ASRGL1: variants seen among roughly 807,000 people sequenced by gnomAD.
ASRGL1 encodes the protein asparaginase and isoaspartyl peptidase 1, also known as isoaspartyl peptidase/L-asparaginase.
ASRGL1 carries 16 observed loss-of-function variants against 22.4 expected under a neutral mutation model. That is an observed-to-expected ratio of 0.71 (90% confidence interval 0.48 to 1.08). ASRGL1 has a LOEUF of 1.08. Among genes scored for constraint, ASRGL1 ranks in the 50% least tolerant of loss-of-function variants. ASRGL1 has a pLI of 0.00. For synonymous variants in ASRGL1, 165 were observed against 159.3 expected (o/e 1.04, Z -0.27); for missense variants, 412 against 410.1 (o/e 1.00, Z -0.04).
Position 62,357,073 on chromosome 11 carries a change from G to A in ASRGL1, c.420G>A (p.Val140=). The stretch of plus-strand genomic sequence containing the variant: ...CAGAGATTCCTGGAGAAAAACTGGT[G>A]ACAGAGAGAAACAAAAAGCGCCTGG... ...GVPEIPGEKL[V]TERNKKRLEK... is the part of the protein sequence containing the mutation. Residue 140 remains valine (V), a synonymous_variant, in exon 4 of 7, where the codon GTG becomes GTA. Transcript: ENST00000415229. 1 of 1,614,112 alleles carries A rather than the reference G, an allele frequency of 6.2e-7. No homozygotes were observed. Among genetic ancestry groups the A allele is most frequent in the Non-Finnish European group, 8.5e-7 (1 of 1,180,030 alleles).
At chr11:62,390,595 C>T (rs1354062788) in intron 5 of ASRGL1, among the ~76,000 whole-genome samples, 1 of 152,194 alleles carries the variant, frequency 6.6e-6, no homozygotes, top group Non-Finnish European at 1.5e-5. Flanking sequence ...ACCATGGAAC[C>T]CGGTCAGTTA....
the ASRGL1 span, among the ~76,000 whole-genome samples, chr11:62,400,584 G>A: frequency 6.6e-6 from 1 of 152,226 alleles, no homozygotes. Flanking sequence ...ACACAGAGGA[G>A]AACCCCAGCT....
At chr11:62,399,532 A>G in the ASRGL1 span, among the ~76,000 whole-genome samples, 1 of 152,186 alleles carries the variant, frequency 6.6e-6, no homozygotes, top group Non-Finnish European at 1.5e-5. Context: ...AAAGGGTACC[A>G]ACACTGCTCC....
chr11:62,352,376 A>G (rs935578245), intron 2 of ASRGL1, among the ~76,000 whole-genome samples: 1 of 152,190 alleles, frequency 6.6e-6, no homozygotes, highest in African/African-American at 2.4e-5. Flanking sequence ...ACTTGAGGTC[A>G]GGAGTTTGAG....
At chr11:62,363,978 G>A (rs1382891073) in intron 4 of ASRGL1, among the ~76,000 whole-genome samples, 4 of 151,914 alleles carry the variant, frequency 2.6e-5, no homozygotes, top group African/African-American at 4.8e-5. Context: ...GCAACATGGT[G>A]AAACCACGTC....
intron 4 of ASRGL1, among the ~76,000 whole-genome samples, chr11:62,363,087 C>G (rs1310692702): frequency 6.7e-6 from 1 of 150,302 alleles, no homozygotes; most frequent in Non-Finnish European, 1.5e-5. Context: ...GCGCCCGCCA[C>G]CACGCCCGGC....
In ASRGL1 at chr11:62,392,611, G is replaced by A; in HGVS notation, c.*327G>A. On this transcript the variant is annotated 3_prime_UTR_variant, in exon 7 of 7. Coordinates refer to ENST00000415229, the MANE Select transcript of ASRGL1 (RefSeq NM_001083926.2). The stretch of plus-strand genomic sequence containing the variant: ...GAAAAGGGAAAAAAGAAAGAAAGCA[G>A]CAGCATGATCCTGACATGACAGATG... 2.8e-6 allele frequency: 1 copy of A among 360,050 alleles called. No individual in the cohort carries two copies. Among genetic ancestry groups the A allele is most frequent in the South Asian group, 2.6e-5 (1 of 38,254 alleles). The allele number at this position is 360,050 out of a possible 1,614,324, so 22.3% of individuals were successfully genotyped here. A position where few individuals can be genotyped will look rare whatever the true frequency, so the allele number is the denominator to read the frequency against.
chr11:62,385,470 C>CTCTT (rs766833250), intron 4 of ASRGL1, among the ~76,000 whole-genome samples: 2 of 152,176 alleles, frequency 1.3e-5, no homozygotes, highest in African/African-American at 4.8e-5. Flanking sequence ...CTGTACCTGG[C>CTCTT]TCTTATGAGC....
At chr11:62,365,430 T>C (rs1469915552) in intron 4 of ASRGL1, among the ~76,000 whole-genome samples, 1 of 151,786 alleles carries the variant, frequency 6.6e-6, no homozygotes, top group Non-Finnish European at 1.5e-5. Flanking sequence ...GGTGGGCGCC[T>C]GTAATCCCAG....
intron 2 of ASRGL1, among the ~76,000 whole-genome samples, chr11:62,353,229 A>G (rs1371836178): frequency 6.6e-6 from 1 of 151,136 alleles, no homozygotes; most frequent in Non-Finnish European, 1.5e-5. Context: ...TATTTTGATT[A>G]TTATATTTTT....
intron 2 of ASRGL1, among the ~76,000 whole-genome samples, chr11:62,352,913 GTGTT>G (rs1430815535): frequency 1.3e-5 from 2 of 152,100 alleles, no homozygotes; most frequent in Non-Finnish European, 2.9e-5. Context: ...GAATGTCTTT[GTGTT>G]TAGTCCTATT....
chr11:62,372,556 A>G, intron 4 of ASRGL1: 2 of 913,408 alleles, frequency 2.2e-6, no homozygotes, highest in Non-Finnish European at 3.7e-6. Flanking sequence ...GGCCATCTTC[A>G]TTGAGAAGAC....
At chr11:62,394,339 A>G (rs902981703), downstream of ASRGL1, among the ~76,000 whole-genome samples, 4 of 143,630 alleles carry the variant, frequency 2.8e-5, no homozygotes, top group Non-Finnish European at 4.5e-5. Context: ...ATAATTTATA[A>G]TATATATTAT....
chr11:62,379,729 G>A (rs1354530577), intron 4 of ASRGL1, among the ~76,000 whole-genome samples: 1 of 152,128 alleles, frequency 6.6e-6, no homozygotes, highest in Non-Finnish European at 1.5e-5. Context: ...TGTGGCAGGG[G>A]ACAATTGTTG....
intron 4 of ASRGL1, among the ~76,000 whole-genome samples, chr11:62,385,753 A>G (rs1434530173): frequency 6.6e-6 from 1 of 152,038 alleles, no homozygotes; most frequent in African/African-American, 2.4e-5. Flanking sequence ...AATCCCAGCT[A>G]CTTGGGAGTC....
intron 5 of ASRGL1, among the ~76,000 whole-genome samples, chr11:62,390,882 G>C (rs949298512): frequency 6.6e-6 from 1 of 152,228 alleles, no homozygotes; most frequent in Non-Finnish European, 1.5e-5. Context: ...AGGACTCTGA[G>C]GCTGGTAGCT....
rs140333838 is a variant in ASRGL1 at position 62,371,290 on chromosome 11, G to A, written c.491+14146G>A. 3.8e-4 allele frequency: 530 copies of A among 1,380,558 alleles called. 5 individuals are homozygous for A. The African/African-American group carries it at 5.9e-3, about 15-fold the overall frequency. The allele number at this position is 1,380,558 out of a possible 1,614,324, so 85.5% of individuals were successfully genotyped here. On this transcript the variant is annotated intron_variant, in intron 4 of 6. Coordinates refer to ENST00000415229, the MANE Select transcript of ASRGL1 (RefSeq NM_001083926.2). ...CAGCAGTGGTGGCAGCAGCAGCAGC[G>A]GCGACGAGGACGGCCTGGAGCTCGA...
At chr11:62,363,860 A>G (rs1378523384) in intron 4 of ASRGL1, among the ~76,000 whole-genome samples, 1 of 152,150 alleles carries the variant, frequency 6.6e-6, no homozygotes, top group Non-Finnish European at 1.5e-5. Flanking sequence ...CACGTTAAGT[A>G]TAAGAACATC....
the ASRGL1 span, among the ~76,000 whole-genome samples, chr11:62,400,547 G>A: frequency 6.6e-6 from 1 of 152,148 alleles, no homozygotes; most frequent in African/African-American, 2.4e-5. Context: ...TGGGCACTGG[G>A]CAGAACCCCA....
Sources: gnomAD v4.1 joint callset for allele counts (sites outside exome capture counted in the v4.1 genomes callset) on GRCh38, gnomAD v4.1.1 for gene constraint, MANE v1.5 for transcripts, NCBI Gene and HGNC (gene_info 2026-07-23, HGNC 2026-07-21) for gene names.